SEZ6L: variants seen among roughly 807,000 people sequenced by gnomAD.
The protein encoded by SEZ6L is seizure 6-like protein.
A neutral mutation model predicts 106.2 loss-of-function variants in SEZ6L; 37 were observed. The ratio of observed to expected loss-of-function variants is 0.35; its 90% CI spans 0.27 to 0.46. The LOEUF (loss-of-function observed/expected upper bound fraction) is 0.46. SEZ6L is among the 20% of genes least tolerant of loss of function. The pLI, the probability that SEZ6L is intolerant of heterozygous loss-of-function variation, is 1.00. For missense variants in SEZ6L, 1,172 were observed against 1,332.8 expected, an observed-to-expected ratio of 0.88 and a Z score of 1.88; for synonymous variants, 541 against 570.4, an observed-to-expected ratio of 0.95 and a Z score of 0.73.
intron 9 of SEZ6L, among the ~76,000 whole-genome samples, chr22:26,315,238 G>A (rs957622554): frequency 2.2e-4 from 34 of 152,264 alleles, no homozygotes; most frequent in African/African-American, 7.7e-4. Context: ...CCAACACTTC[G>A]GGAGGTTGAG....
At chr22:26,371,005 C>CA (rs59911432) in intron 13 of SEZ6L, among the ~76,000 whole-genome samples, 15,319 of 109,718 alleles carry the variant, frequency 0.14, 1,150 homozygotes, top group Non-Finnish European at 0.18. Context: ...CCCTGTATCA[C>CA]AAAAAAAAAA....
chr22:26,283,544 TAA>T (rs1423098014), intron 1 of SEZ6L, among the ~76,000 whole-genome samples: 1 of 152,198 alleles, frequency 6.6e-6, no homozygotes, highest in Non-Finnish European at 1.5e-5. Context: ...ATGAATTCTA[TAA>T]AGTGTTGATC....
chr22:26,351,253 G>A lies in SEZ6L; in HGVS notation c.2599+10G>A, dbSNP rs1476101944. 8 of 1,611,548 alleles carry A rather than the reference G, an allele frequency of 5.0e-6. No individual in the cohort carries two copies. The highest frequency in any genetic ancestry group is 5.9e-6 in the Non-Finnish European group (7 of 1,178,430). On this transcript the variant is annotated intron_variant, in intron 12 of 16. Transcript: ENST00000248933. The stretch of plus-strand genomic sequence containing the variant: ...CTGCCCCACTGCGTTTGTGAGTCCT[G>A]TTTAATGAATTGGGCCCCCAGTAGG...
chr22:26,327,332 C>CCA (rs1265014630), intron 9 of SEZ6L, among the ~76,000 whole-genome samples: 1 of 128,542 alleles, frequency 7.8e-6, no homozygotes, highest in Non-Finnish European at 1.7e-5. Flanking sequence ...ACACACACCC[C>CCA]CACACACACA....
At position 26,297,060 on chromosome 22, in the gene SEZ6L, C is replaced by G; in HGVS notation, c.1142C>G (p.Thr381Ser). 2 of 1,613,010 alleles carry G rather than the reference C, an allele frequency of 1.2e-6. No homozygotes were observed. Among genetic ancestry groups the G allele is most frequent in the South Asian group, 1.1e-5 (1 of 90,790 alleles). ...ACCTTCCAGGACGACGGCCTTGGGA[C>G]CTTCCAGCTTCACTACCAGGGTAGG... ...FRTFQDDGLG[T>S]FQLHYQAFML... Residue 381 changes from threonine (T) to serine (S), a missense_variant, in exon 4 of 17, where the codon ACC becomes AGC. Coordinates refer to ENST00000248933, the MANE Select transcript of SEZ6L (RefSeq NM_021115.5).
Position 26,195,241 on chromosome 22 carries a change from T to TG in SEZ6L, c.94+25479dup, listed in dbSNP as rs1268144135. Among the ~76,000 whole-genome samples, 3 of 152,208 alleles carry TG rather than the reference T, an allele frequency of 2.0e-5. No individual in the cohort carries two copies. In the East Asian group the frequency reaches 5.8e-4, roughly 29 times the overall value. On this transcript the variant is annotated intron_variant, in intron 1 of 16. Transcript: ENST00000248933. Reference sequence around the variant, plus strand: ...GCCAATGAGTTAAATATTCCTTGTATGATAAAGCAAAGAGGGGGTGATGAA... The same window carrying TG: ...GCCAATGAGTTAAATATTCCTTGTATGGATAAAGCAAAGAGGGGGTGATGAA...
intron 1 of SEZ6L, among the ~76,000 whole-genome samples, chr22:26,270,076 C>T (rs2080314439): frequency 6.6e-6 from 1 of 152,128 alleles, no homozygotes; most frequent in African/African-American, 2.4e-5. Flanking sequence ...GCTAAGCCTG[C>T]CTTCAGAAGC....
chr22:26,192,714 G>C (rs919424500), intron 1 of SEZ6L, among the ~76,000 whole-genome samples: 1 of 152,128 alleles, frequency 6.6e-6, no homozygotes, highest in Admixed American at 6.6e-5. Context: ...GTAGGCCTCA[G>C]GGCCTAATGG....
At chr22:26,370,544 A>G (rs1188584408) in intron 13 of SEZ6L, among the ~76,000 whole-genome samples, 2 of 152,204 alleles carry the variant, frequency 1.3e-5, no homozygotes, top group Non-Finnish European at 2.9e-5. Flanking sequence ...AGAGCTTCAA[A>G]TGGAAGGAGC....
rs1297870436 is a variant in SEZ6L at position 26,382,748 on chromosome 22, A to T, written c.*2453A>T. On this transcript the variant is annotated 3_prime_UTR_variant, in exon 17 of 17. Transcript: ENST00000248933. ...GTAATACGTAAAGGTAAAAAAAAAT[A>T]GTGCCAAAAATGTGCAAGGCATCTC... 3.9e-5 allele frequency: 6 copies of T among 152,144 alleles called. No individual in the cohort carries two copies. Among genetic ancestry groups the T allele is most frequent in the African/African-American group, 1.4e-4 (6 of 41,450 alleles). 9.4% of individuals were successfully genotyped at this position (152,144 alleles called of 1,614,324 possible). A position where few individuals can be genotyped will look rare whatever the true frequency, so the allele number is the denominator to read the frequency against.
chr22:26,232,598 C>T (rs1292539491), intron 1 of SEZ6L, among the ~76,000 whole-genome samples: 1 of 152,194 alleles, frequency 6.6e-6, no homozygotes. Flanking sequence ...TACACAAATG[C>T]TTACCATTGC....
intron 1 of SEZ6L, among the ~76,000 whole-genome samples, chr22:26,219,019 T>C (rs961257986): frequency 6.6e-6 from 1 of 152,172 alleles, no homozygotes; most frequent in Non-Finnish European, 1.5e-5. Flanking sequence ...TGAAGAGTCA[T>C]AGGCTTTTCC....
intron 1 of SEZ6L, chr22:26,242,720 T>C (rs1015554160): frequency 1.3e-5 from 2 of 152,204 alleles, no homozygotes; most frequent in Non-Finnish European, 2.9e-5. Context: ...TGGTTCTTGA[T>C]GAAGACTTGA....
chr22:26,347,849 G>T lies in SEZ6L; in HGVS notation c.2343G>T (p.Gly781=), dbSNP rs995518888. ...YQCDPGYDIV[G]SDTLTCQWDL... ...GTGACCCCGGCTATGACATCGTGGG[G>T]AGTGACACCCTCACCTGCCAGTGGG... The change falls in exon 11 of 17, where the codon GGG becomes GGT. Residue 781 remains glycine (G), a synonymous_variant. Coordinates refer to ENST00000248933, the MANE Select transcript of SEZ6L (RefSeq NM_021115.5). 5 of 1,603,442 alleles carry T rather than the reference G, an allele frequency of 3.1e-6. No homozygotes were observed. The African/African-American group carries it at 5.4e-5, about 17-fold the overall frequency.
At chr22:26,176,307 A>G (rs957252006) in intron 1 of SEZ6L, among the ~76,000 whole-genome samples, 1 of 152,252 alleles carries the variant, frequency 6.6e-6, no homozygotes, top group African/African-American at 2.4e-5. Flanking sequence ...TGGGTATCAC[A>G]TAGCACAGAG....
intron 2 of SEZ6L, 84 bp from the exon 3 acceptor site, chr22:26,294,208 A>C: frequency 2.8e-6 from 4 of 1,407,246 alleles, no homozygotes; most frequent in Non-Finnish European, 3.9e-6. Context: ...AGGTTCCCCT[A>C]AAGCCCCCAT....
intron 10 of SEZ6L, among the ~76,000 whole-genome samples, chr22:26,344,160 G>A (rs938460743): frequency 6.6e-6 from 1 of 152,168 alleles, no homozygotes; most frequent in Non-Finnish European, 1.5e-5. Context: ...TCTGGAAGGT[G>A]GCCAAAGTTT....
At chr22:26,262,941 C>T (rs759991331) in intron 1 of SEZ6L, among the ~76,000 whole-genome samples, 2 of 152,200 alleles carry the variant, frequency 1.3e-5, no homozygotes, top group African/African-American at 4.8e-5. Flanking sequence ...ATATTTTGAG[C>T]AGCTACATCC....
chr22:26,257,421 C>G (rs1252548727), intron 1 of SEZ6L, among the ~76,000 whole-genome samples: 1 of 152,180 alleles, frequency 6.6e-6, no homozygotes, highest in Non-Finnish European at 1.5e-5. Context: ...TTTCTAGCAT[C>G]TCACAACACT....
Sources: gnomAD v4.1 joint callset for allele counts (sites outside exome capture counted in the v4.1 genomes callset) on GRCh38, gnomAD v4.1.1 for gene constraint, MANE v1.5 for transcripts, NCBI Gene and HGNC (gene_info 2026-07-23, HGNC 2026-07-21) for gene names.